The following ZMYM5 variants were observed in gnomAD, a reference collection of about 807,000 sequenced individuals.
ZMYM5 encodes zinc finger MYM-type protein 5.
A neutral mutation model predicts 61.8 loss-of-function variants in ZMYM5; 41 were observed. That is an observed-to-expected ratio of 0.66 (90% CI 0.52 to 0.86). The LOEUF (loss-of-function observed/expected upper bound fraction) is 0.86, where lower values mean the gene tolerates loss of function less well. ZMYM5 is among the 40% of genes least tolerant of loss of function. The pLI, the probability that ZMYM5 is intolerant of heterozygous loss-of-function variation, is 0.00. For missense variants in ZMYM5, 706 were observed against 786.7 expected (o/e 0.90, Z 1.23); for synonymous variants, 257 against 276.4 (o/e 0.93, Z 0.70).
At chr13:19,834,203 C>G (rs766648880) in intron 7 of ZMYM5, among the ~76,000 whole-genome samples, 1 of 152,140 alleles carries the variant, frequency 6.6e-6, no homozygotes, top group Non-Finnish European at 1.5e-5. Context: ...GTCTCCAACT[C>G]CTGACCTTAG....
intron 4 of ZMYM5, among the ~76,000 whole-genome samples, chr13:19,848,933 A>T (rs1167084324): frequency 6.6e-6 from 1 of 152,156 alleles, no homozygotes; most frequent in Non-Finnish European, 1.5e-5. Flanking sequence ...AATAAAAGAA[A>T]CCTTTGGGGT....
intron 4 of ZMYM5, among the ~76,000 whole-genome samples, chr13:19,846,768 A>G (rs1370763782): frequency 2.5e-5 from 3 of 121,196 alleles, no homozygotes; most frequent in Admixed American, 7.8e-5. Context: ...TTTTTTAAGG[A>G]AAAAAAAAAC....
chr13:19,860,165 G>A (rs545114003), intron 2 of ZMYM5, among the ~76,000 whole-genome samples: 3 of 145,864 alleles, frequency 2.1e-5, no homozygotes, highest in Middle Eastern at 3.6e-3. Context: ...TCACTCTGTC[G>A]CCCAGGCTGG....
At chr13:19,850,601 CAAATAAATAAAT>C (rs369546833) in intron 4 of ZMYM5, among the ~76,000 whole-genome samples, 6 of 151,088 alleles carry the variant, frequency 4.0e-5, no homozygotes, top group Admixed American at 6.6e-5. Flanking sequence ...AACTCTGTCT[CAAATAAATAAAT>C]AAATAAATAA....
In ZMYM5 at chr13:19,824,376, T is replaced by C. The variant is rs1442274264; in HGVS notation, c.*101A>G. On this transcript the variant is annotated 3_prime_UTR_variant, in exon 8 of 8. Coordinates refer to ENST00000337963, the MANE Select transcript of ZMYM5 (RefSeq NM_001142684.2). ...TAAGGAACTGCTGCAAGTTACTCTGTAGAGGAGACTTACAACACAATAGTA... is the reference window on the plus strand; with the variant it reads ...TAAGGAACTGCTGCAAGTTACTCTGCAGAGGAGACTTACAACACAATAGTA... 7.6e-6 allele frequency: 8 copies of C among 1,050,992 alleles called. No individual in the cohort carries two copies. In the South Asian group the frequency reaches 9.5e-5, roughly 12 times the overall value. 65.1% of individuals were successfully genotyped at this position (1,050,992 alleles called of 1,614,324 possible).
intron 4 of ZMYM5, among the ~76,000 whole-genome samples, chr13:19,846,395 G>A (rs1953071843): frequency 6.6e-6 from 1 of 152,048 alleles, no homozygotes; most frequent in Non-Finnish European, 1.5e-5. Context: ...GACTATTGGA[G>A]ACATTTTCTT....
At position 19,856,433 on chromosome 13, in the gene ZMYM5, G is replaced by C. The variant is rs568791570; in HGVS notation, c.-10-4243C>G. On this transcript the variant is annotated intron_variant, in intron 2 of 7. Transcript: ENST00000337963. Reference sequence around the variant, plus strand: ...AGGCAGGTGGATCACCTGAGGTTGGGAGTTCGAGACCAGCCTGACCAACAT... The same window carrying C: ...AGGCAGGTGGATCACCTGAGGTTGGCAGTTCGAGACCAGCCTGACCAACAT... 8.1e-4 allele frequency among the ~76,000 whole-genome samples: 123 copies of C among 152,050 alleles called. 1 individual carries two copies. The highest frequency in any genetic ancestry group is 2.9e-3 in the African/African-American group (122 of 41,474).
intron 7 of ZMYM5, among the ~76,000 whole-genome samples, chr13:19,825,883 A>G (rs184896648): frequency 6.6e-6 from 1 of 152,148 alleles, no homozygotes; most frequent in East Asian, 1.9e-4. Flanking sequence ...TCTGCTAAAA[A>G]TACAAAATTT....
intron 4 of ZMYM5, chr13:19,841,996 T>C (rs1386924056): frequency 6.6e-6 from 1 of 152,354 alleles, no homozygotes; most frequent in Non-Finnish European, 1.5e-5. Flanking sequence ...TTTGTATTTT[T>C]AGTAGAGATG....
intron 7 of ZMYM5, among the ~76,000 whole-genome samples, chr13:19,831,615 G>A (rs960524194): frequency 6.6e-6 from 1 of 151,404 alleles, no homozygotes; most frequent in African/African-American, 2.4e-5. Context: ...GGCCAACATG[G>A]TGAAACCCCG....
chr13:19,849,979 A>G (rs1440379774), intron 4 of ZMYM5, among the ~76,000 whole-genome samples: 1 of 151,408 alleles, frequency 6.6e-6, no homozygotes, highest in African/African-American at 2.4e-5. Flanking sequence ...TCTGTCTCAA[A>G]AAAAAAAAAG....
At chr13:19,835,990 A>AT (rs1230574412) in intron 6 of ZMYM5, among the ~76,000 whole-genome samples, 15 of 151,988 alleles carry the variant, frequency 9.9e-5, no homozygotes, top group African/African-American at 3.6e-4. Flanking sequence ...CGCCCAGCTA[A>AT]TTTTTTTATT....
intron 2 of ZMYM5, among the ~76,000 whole-genome samples, chr13:19,856,899 G>A (rs1176791061): frequency 6.6e-6 from 1 of 152,076 alleles, no homozygotes; most frequent in Non-Finnish European, 1.5e-5. Flanking sequence ...GAGGTCAGGA[G>A]ATCGAGACCA....
chr13:19,840,973 G>A (rs1318820503), intron 4 of ZMYM5, among the ~76,000 whole-genome samples: 2 of 146,308 alleles, frequency 1.4e-5, no homozygotes, highest in Non-Finnish European at 3.0e-5. Flanking sequence ...CACCGCGCCC[G>A]GCCCACCTGG....
chr13:19,837,441 T>C (rs1189992289), intron 6 of ZMYM5: 24 of 1,547,290 alleles, frequency 1.6e-5, no homozygotes, highest in Admixed American at 2.4e-5. Context: ...AACAATTCCA[T>C]AGAAACAGAT....
At chr13:19,852,785 CCTAGGGAAG>C (rs142313025) in intron 2 of ZMYM5, among the ~76,000 whole-genome samples, 2,779 of 152,230 alleles carry the variant, frequency 0.018, 79 homozygotes, top group African/African-American at 0.061. Context: ...GAAACTGAGG[CCTAGGGAAG>C]CTAACTAAAT....
At chr13:19,825,869 C>T (rs1890889072) in intron 7 of ZMYM5, among the ~76,000 whole-genome samples, 1 of 151,770 alleles carries the variant, frequency 6.6e-6, no homozygotes, top group East Asian at 1.9e-4. Flanking sequence ...GGCGAAACCC[C>T]GTCTCTGCTA....
intron 5 of ZMYM5, among the ~76,000 whole-genome samples, chr13:19,838,135 G>T (rs566762689): frequency 2.0e-5 from 3 of 152,162 alleles, no homozygotes; most frequent in Non-Finnish European, 4.4e-5. Flanking sequence ...CCAGCACTTT[G>T]GGAGGCTGAA....
rs1362620965 is a variant in ZMYM5, at chr13:19,851,340, T to G, written c.586+15A>C. ...TTATTTACTTGAGGTAGAAACAGTATCACTTACTGCTTACCAGGACTATGA... is the reference window on the plus strand; with the variant it reads ...TTATTTACTTGAGGTAGAAACAGTAGCACTTACTGCTTACCAGGACTATGA... On this transcript the variant is annotated intron_variant, in intron 4 of 7. Coordinates refer to ENST00000337963, the MANE Select transcript of ZMYM5 (RefSeq NM_001142684.2). 1.3e-6 allele frequency: 2 copies of G among 1,599,152 alleles called. No homozygotes were observed. Among genetic ancestry groups the G allele is most frequent in the Non-Finnish European group, 1.7e-6 (2 of 1,166,408 alleles).
Sources: allele counts gnomAD v4.1 joint callset (sites outside exome capture counted in the v4.1 genomes callset), GRCh38; gene constraint gnomAD v4.1.1; transcripts MANE v1.5; gene names NCBI Gene and HGNC (gene_info 2026-07-23, HGNC 2026-07-21).